Variants in ECM2 observed in about 807,000 individuals in gnomAD.
ECM2 encodes extracellular matrix protein 2, female organ and adipocyte specific.
ECM2 carries 57 observed loss-of-function variants against 67.5 expected under a neutral mutation model. The observed-to-expected ratio is 0.84, with a 90% CI of 0.68 to 1.05. The LOEUF (loss-of-function observed/expected upper bound fraction) is 1.05. Among genes scored for constraint, ECM2 ranks in the 50% least tolerant of loss-of-function variants. The pLI is 0.00. For missense variants in ECM2, 741 were observed against 822.8 expected, an observed-to-expected ratio of 0.90 and a Z score of 1.22; for synonymous variants, 258 against 294.5, an observed-to-expected ratio of 0.88 and a Z score of 1.27.
upstream of ECM2, among the ~76,000 whole-genome samples, chr9:92,537,992 G>T (rs1316654634): frequency 6.6e-6 from 1 of 152,162 alleles, no homozygotes; most frequent in Non-Finnish European, 1.5e-5. Flanking sequence ...ATGATATGCT[G>T]TGTTGGCCAG....
the ECM2 span, among the ~76,000 whole-genome samples, chr9:92,554,710 T>A: frequency 1.3e-3 from 203 of 152,276 alleles, no homozygotes; most frequent in African/African-American, 4.6e-3. Flanking sequence ...CAATCTCGGT[T>A]TACTGCAACC....
chr9:92,510,717 A>C (rs115313639), intron 5 of ECM2, among the ~76,000 whole-genome samples: 1,972 of 152,332 alleles, frequency 0.013, 38 homozygotes, highest in African/African-American at 0.044. Context: ...TCCAGTGATC[A>C]TATTCAAATT....
chr9:92,556,117 T>A, the ECM2 span, among the ~76,000 whole-genome samples: 1 of 152,218 alleles, frequency 6.6e-6, no homozygotes, highest in Non-Finnish European at 1.5e-5. Context: ...AATAATTTTT[T>A]AATTTCCATC....
intron 5 of ECM2, among the ~76,000 whole-genome samples, chr9:92,511,441 T>A (rs1003032444): frequency 2.6e-4 from 37 of 143,102 alleles, no homozygotes; most frequent in African/African-American, 6.5e-4. Context: ...TTTTTTTTTT[T>A]AAATATATAA....
At chr9:92,554,428 C>T in the ECM2 span, among the ~76,000 whole-genome samples, 1 of 152,104 alleles carries the variant, frequency 6.6e-6, no homozygotes, top group African/African-American at 2.4e-5. Context: ...GGTGATCCAC[C>T]CGCATCACCC....
At chr9:92,508,444 C>G (rs1400967174) in intron 6 of ECM2, among the ~76,000 whole-genome samples, 1 of 152,190 alleles carries the variant, frequency 6.6e-6, no homozygotes, top group Non-Finnish European at 1.5e-5. Flanking sequence ...GAAGGCAGTT[C>G]CAGGGGTGTG....
intron 5 of ECM2, among the ~76,000 whole-genome samples, chr9:92,511,081 A>T (rs889490231): frequency 6.6e-6 from 1 of 151,372 alleles, no homozygotes; most frequent in Non-Finnish European, 1.5e-5. Flanking sequence ...ACAAACATAA[A>T]CCCCTTTTCT....
At chr9:92,520,804 G>A (rs1406587242) in intron 2 of ECM2, among the ~76,000 whole-genome samples, 1 of 152,154 alleles carries the variant, frequency 6.6e-6, no homozygotes, top group East Asian at 1.9e-4. Flanking sequence ...TTCTGATACA[G>A]GCTAATAATA....
intron 3 of ECM2, 61 bp downstream of exon 3, chr9:92,517,626 A>G (rs1171000431): frequency 6.2e-7 from 1 of 1,601,464 alleles, no homozygotes; most frequent in South Asian, 1.1e-5. Context: ...TTAGTAACAA[A>G]AACAAATGGA....
At chr9:92,494,008 C>G, downstream of ECM2, 3 of 1,477,178 alleles carry the variant, frequency 2.0e-6, no homozygotes, top group Non-Finnish European at 2.8e-6. Context: ...GTGTGCTCGT[C>G]GCATTGTCAC....
At chr9:92,522,104 C>T (rs993818610) in intron 2 of ECM2, among the ~76,000 whole-genome samples, 1 of 151,632 alleles carries the variant, frequency 6.6e-6, no homozygotes, top group African/African-American at 2.4e-5. Flanking sequence ...TTTTTAATCT[C>T]GAGACGGAGT....
chr9:92,557,154 C>G, the ECM2 span, among the ~76,000 whole-genome samples: 3 of 152,166 alleles, frequency 2.0e-5, no homozygotes, highest in South Asian at 2.1e-4. Flanking sequence ...GGGTCCCAAT[C>G]CCTTCTAGCT....
chr9:92,536,992 C>T (rs988673422), upstream of ECM2, among the ~76,000 whole-genome samples: 1 of 151,408 alleles, frequency 6.6e-6, no homozygotes, highest in African/African-American at 2.4e-5. Context: ...GCCTCAGCTT[C>T]CCGAGTAGGT....
chr9:92,494,050 T>C (rs1846245144), downstream of ECM2: 1 of 1,594,712 alleles, frequency 6.3e-7, no homozygotes, highest in South Asian at 1.1e-5. Flanking sequence ...ACTTGCCTGC[T>C]TACTTGTCTG....
rs141963664 is a variant in ECM2, at chr9:92,513,494, G to A, written c.1054+1137C>T. Among the ~76,000 whole-genome samples the A allele has an allele frequency of 1.3e-3, 203 of 152,294 alleles. 1 individual carries two copies. The highest frequency in any genetic ancestry group is 4.2e-3 in the African/African-American group (174 of 41,568). ...CTTAGGTCCACACAAACATCTGTAC[G>A]TGGATATTTATAGCAACTTTATACA... On this transcript the variant is annotated intron_variant, in intron 4 of 9. Transcript: ENST00000344604.
chr9:92,515,516 G>A (rs1847647906), intron 3 of ECM2, among the ~76,000 whole-genome samples: 1 of 152,092 alleles, frequency 6.6e-6, no homozygotes, highest in Admixed American at 6.5e-5. Context: ...GCCACATGAG[G>A]CAAAATGGTA....
At chr9:92,531,902 A>C (rs1376079346) in intron 1 of ECM2, among the ~76,000 whole-genome samples, 1 of 151,234 alleles carries the variant, frequency 6.6e-6, no homozygotes, top group Non-Finnish European at 1.5e-5. Context: ...TTCTTTCAGC[A>C]TTGTGAAGAT....
the ECM2 span, among the ~76,000 whole-genome samples, chr9:92,545,577 C>G: frequency 6.6e-6 from 1 of 152,202 alleles, no homozygotes; most frequent in African/African-American, 2.4e-5. Flanking sequence ...ACGAGCTCTG[C>G]CCCCTGCTCC....
At chr9:92,498,341 C>T (rs1846478261) in intron 9 of ECM2, among the ~76,000 whole-genome samples, 1 of 151,606 alleles carries the variant, frequency 6.6e-6, no homozygotes, top group African/African-American at 2.4e-5. Flanking sequence ...GGAGGTATAC[C>T]TAATATTAAA....
Sources: allele counts gnomAD v4.1 joint callset (sites outside exome capture counted in the v4.1 genomes callset), GRCh38; gene constraint gnomAD v4.1.1; transcripts MANE v1.5; gene names NCBI Gene and HGNC (gene_info 2026-07-23, HGNC 2026-07-21).